Variants in CADPS observed in about 807,000 individuals in gnomAD.
CADPS encodes the protein calcium dependent secretion activator, also known as calcium-dependent secretion activator 1.
CADPS carries 57 observed loss-of-function variants against 167.3 expected under a neutral mutation model. The ratio of observed to expected loss-of-function variants is 0.34; its 90% CI spans 0.28 to 0.42. CADPS has a LOEUF of 0.42. Ranked by LOEUF, CADPS falls within the 20% of genes least tolerant of loss-of-function variation. The pLI is 1.00. For missense variants in CADPS, 1,414 were observed against 1,738.1 expected (o/e 0.81, Z 3.32); for synonymous variants, 676 against 635.3 (o/e 1.06, Z -0.96).
chr3:62,532,189 T>C (rs2073835186), intron 13 of CADPS, among the ~76,000 whole-genome samples: 1 of 152,212 alleles, frequency 6.6e-6, no homozygotes, highest in Non-Finnish European at 1.5e-5. Flanking sequence ...CATGCTTTAG[T>C]TCTCAGCTCC....
intron 18 of CADPS, among the ~76,000 whole-genome samples, chr3:62,496,031 G>T (rs1281892176): frequency 1.3e-5 from 2 of 151,794 alleles, no homozygotes; most frequent in South Asian, 2.1e-4. Flanking sequence ...ACACAGCCAA[G>T]ATCCAAGCTT....
chr3:62,549,079 T>C (rs141495134), intron 11 of CADPS, among the ~76,000 whole-genome samples: 67 of 152,370 alleles, frequency 4.4e-4, no homozygotes, highest in African/African-American at 1.3e-3. Flanking sequence ...ATCATCATGA[T>C]TATTGCTAAA....
At chr3:62,527,861 C>T (rs765148936) in intron 13 of CADPS, among the ~76,000 whole-genome samples, 2 of 152,182 alleles carry the variant, frequency 1.3e-5, no homozygotes, top group Non-Finnish European at 2.9e-5. Flanking sequence ...TTTCATGAGT[C>T]ATGAATTGCT....
chr3:62,673,051 A>G (rs556843450), intron 3 of CADPS, among the ~76,000 whole-genome samples: 4 of 151,872 alleles, frequency 2.6e-5, no homozygotes, highest in Non-Finnish European at 5.9e-5. Context: ...CTCCTCTTTT[A>G]TCACTCCCAT....
intron 19 of CADPS, 50 bp downstream of exon 19, chr3:62,493,595 G>A: frequency 7.0e-7 from 1 of 1,430,770 alleles, no homozygotes; most frequent in Non-Finnish European, 9.6e-7. Context: ...CCACTAGGAG[G>A]CAGAATAGGG....
intron 3 of CADPS, among the ~76,000 whole-genome samples, chr3:62,677,158 A>AT (rs1210723471): frequency 3.9e-5 from 6 of 152,228 alleles, no homozygotes; most frequent in African/African-American, 1.4e-4. Flanking sequence ...AGAGAAGCAA[A>AT]GCTGCAGAAA....
chr3:62,672,766 G>A (rs1311740481), intron 3 of CADPS, among the ~76,000 whole-genome samples: 3 of 152,156 alleles, frequency 2.0e-5, no homozygotes, highest in Non-Finnish European at 4.4e-5. Flanking sequence ...TGGGACTACA[G>A]GCATCATCAT....
chr3:62,643,805 G>T (rs9851541), intron 6 of CADPS, among the ~76,000 whole-genome samples: 2,740 of 152,290 alleles, frequency 0.018, 74 homozygotes, highest in African/African-American at 0.062. Context: ...GAAATAGGTT[G>T]TTCTTCCCCC....
At chr3:62,766,117 G>C (rs931096676) in intron 1 of CADPS, 133 bp from the exon 2 acceptor site, 5 of 445,082 alleles carry the variant, frequency 1.1e-5, no homozygotes, top group African/African-American at 5.9e-5. Context: ...GCTGATTAGT[G>C]AATCTGTGGA....
chr3:62,492,945 T>A (rs542643537), intron 19 of CADPS, among the ~76,000 whole-genome samples: 1 of 152,346 alleles, frequency 6.6e-6, no homozygotes, highest in East Asian at 1.9e-4. Context: ...CCCTACACAT[T>A]GGAAATGTTA....
chr3:62,646,994 C>T (rs1270989396), intron 5 of CADPS, among the ~76,000 whole-genome samples: 2 of 152,130 alleles, frequency 1.3e-5, no homozygotes, highest in Non-Finnish European at 1.5e-5. Flanking sequence ...CTACCACCTC[C>T]CCAAACTCCA....
In CADPS at chr3:62,451,106, G is replaced by A. The variant is rs948464349; in HGVS notation, c.3637-5309C>T. ...GTATGAGGGACTTGAATACATTTGA[G>A]TCAGTGCAGAAGGTCCAAAATAGTT... On this transcript the variant is annotated intron_variant, in intron 26 of 29. Coordinates refer to ENST00000383710, the MANE Select transcript of CADPS (RefSeq NM_003716.4). 2.0e-5 allele frequency among the ~76,000 whole-genome samples: 3 copies of A among 152,006 alleles called. No individual in the cohort carries two copies. In the South Asian group the frequency reaches 6.2e-4, roughly 32 times the overall value.
chr3:62,763,737 A>C (rs1159641852), intron 2 of CADPS, among the ~76,000 whole-genome samples: 1 of 152,214 alleles, frequency 6.6e-6, no homozygotes, highest in Non-Finnish European at 1.5e-5. Context: ...TTAGAGGATT[A>C]GACTTCCCTG....
rs978997566 is a variant in CADPS at position 62,414,243 on chromosome 3, G to A, written c.3778-11058C>T. On this transcript the variant is annotated intron_variant, in intron 28 of 29. Coordinates refer to ENST00000383710, the MANE Select transcript of CADPS (RefSeq NM_003716.4). Reference sequence around the variant, plus strand: ...CCCTGTCCCTTATCCACCAGCCCCCGCTCCAATTTTTCAAGCCAGATCTGC... The same window carrying A: ...CCCTGTCCCTTATCCACCAGCCCCCACTCCAATTTTTCAAGCCAGATCTGC... 4.6e-5 allele frequency among the ~76,000 whole-genome samples: 7 copies of A among 151,964 alleles called. No individual in the cohort carries two copies. The East Asian group carries it at 7.7e-4, about 17-fold the overall frequency.
In CADPS at chr3:62,412,439, T is replaced by C. The variant is rs1374561514; in HGVS notation, c.3778-9254A>G. 6.6e-6 allele frequency among the ~76,000 whole-genome samples: 1 copy of C among 152,174 alleles called. No individual in the cohort carries two copies. The highest frequency in any genetic ancestry group is 1.5e-5 in the Non-Finnish European group (1 of 68,034). On this transcript the variant is annotated intron_variant, in intron 28 of 29. Transcript: ENST00000383710. The surrounding 1 kb of genome is among the most constrained non-coding windows in gnomAD (Gnocchi z 4.1). ...GCAAAAGACATAATAATTTAAAAGA[T>C]ATATTTAAATTATTACTGCTTAAAA...
chr3:62,828,935 CTG>C (rs1369989173), intron 1 of CADPS, among the ~76,000 whole-genome samples: 1 of 152,148 alleles, frequency 6.6e-6, no homozygotes, highest in Non-Finnish European at 1.5e-5. Context: ...CCACTTCCAA[CTG>C]TGTTACATTC....
chr3:62,804,554 G>C (rs1159867944), intron 1 of CADPS, among the ~76,000 whole-genome samples: 3 of 151,544 alleles, frequency 2.0e-5, no homozygotes. Flanking sequence ...TTTTTGGCTT[G>C]TTTTTTTTCT....
intron 23 of CADPS, among the ~76,000 whole-genome samples, chr3:62,476,437 A>C (rs1382270963): frequency 6.6e-6 from 1 of 152,160 alleles, no homozygotes; most frequent in Non-Finnish European, 1.5e-5. Context: ...AGGAAATTTA[A>C]GTGTCCAGGC....
chr3:62,484,501 G>A (rs1049095946), intron 21 of CADPS, among the ~76,000 whole-genome samples: 31 of 152,184 alleles, frequency 2.0e-4, no homozygotes, highest in African/African-American at 7.0e-4. Flanking sequence ...TCTCTGGATA[G>A]TACAAGAAGT....
Sources: allele counts gnomAD v4.1 joint callset (sites outside exome capture counted in the v4.1 genomes callset), GRCh38; gene constraint gnomAD v4.1.1; non-coding constraint Gnocchi (gnomAD v3.1); transcripts MANE v1.5; gene names NCBI Gene and HGNC (gene_info 2026-07-23, HGNC 2026-07-21).